C2CD5: variants seen among roughly 807,000 people sequenced by gnomAD.
C2CD5 encodes C2 calcium dependent domain containing 5, also known as C2 domain-containing protein 5.
In C2CD5, 109 loss-of-function variants were observed where a neutral mutation model predicts 130.3. The ratio of observed to expected loss-of-function variants is 0.84; its 90% CI spans 0.72 to 0.98. C2CD5 has a LOEUF of 0.98. Among genes scored for constraint, C2CD5 ranks in the 50% least tolerant of loss-of-function variants. The pLI, the probability that C2CD5 is intolerant of heterozygous loss-of-function variation, is 0.00. For missense variants in C2CD5, 996 were observed against 1,261.8 expected, an observed-to-expected ratio of 0.79 and a Z score of 3.19; for synonymous variants, 454 against 429.2, an observed-to-expected ratio of 1.06 and a Z score of -0.71.
chr12:22,481,335 T>G (rs1308943926), intron 14 of C2CD5, among the ~76,000 whole-genome samples: 1 of 152,162 alleles, frequency 6.6e-6, no homozygotes, highest in Admixed American at 6.5e-5. Context: ...AAATTAAATG[T>G]CTATGCACTC....
chr12:22,475,518 A>C (rs554742747), intron 15 of C2CD5, among the ~76,000 whole-genome samples: 2 of 152,298 alleles, frequency 1.3e-5, no homozygotes, highest in African/African-American at 4.8e-5. Context: ...GCCAAAGATC[A>C]CTAGGGGTTC....
intron 15 of C2CD5, chr12:22,478,027 A>T: frequency 6.7e-5 from 23 of 341,764 alleles, no homozygotes; most frequent in East Asian, 2.7e-4. Flanking sequence ...ACACACACAC[A>T]CTCACACACA....
intron 12 of C2CD5, among the ~76,000 whole-genome samples, chr12:22,487,524 A>G (rs928435329): frequency 3.9e-5 from 6 of 152,216 alleles, no homozygotes; most frequent in Admixed American, 2.0e-4. Flanking sequence ...ACCAGTTAGA[A>G]TGGTGATCAT....
chr12:22,450,041 G>A (rs1022707831), intron 26 of C2CD5, 150 bp from the exon 27 acceptor site: 1 of 553,528 alleles, frequency 1.8e-6, no homozygotes, highest in African/African-American at 1.9e-5. Flanking sequence ...ATGAGAAAAG[G>A]GTAAGAGGGC....
chr12:22,490,069 T>C (rs1946144267), intron 12 of C2CD5, 54 bp downstream of exon 12: 4 of 1,323,742 alleles, frequency 3.0e-6, no homozygotes, highest in Non-Finnish European at 4.3e-6. Flanking sequence ...AGAAAAAAAG[T>C]CGACCTCTCC....
At chr12:22,506,644 T>C in intron 10 of C2CD5, 67 bp downstream of exon 10, 1 of 937,874 alleles carries the variant, frequency 1.1e-6, no homozygotes, top group South Asian at 1.5e-5. Context: ...TTTAAAAAAA[T>C]CATAAAAATC....
intron 10 of C2CD5, among the ~76,000 whole-genome samples, chr12:22,505,473 C>G (rs924293386): frequency 2.6e-5 from 4 of 151,892 alleles, no homozygotes; most frequent in Admixed American, 2.6e-4. Context: ...GTCCGGCCAC[C>G]CTTCTTTTTA....
chr12:22,477,497 T>C (rs1377892101), intron 15 of C2CD5, among the ~76,000 whole-genome samples: 2 of 152,160 alleles, frequency 1.3e-5, no homozygotes, highest in Non-Finnish European at 2.9e-5. Flanking sequence ...AAAGCAATAA[T>C]GTTATACTTT....
intron 2 of C2CD5, among the ~76,000 whole-genome samples, chr12:22,538,885 C>G (rs538994234): frequency 6.6e-6 from 1 of 152,270 alleles, no homozygotes; most frequent in South Asian, 2.1e-4. Context: ...CATTATCTCC[C>G]TCTTCTATGA....
intron 3 of C2CD5, among the ~76,000 whole-genome samples, chr12:22,534,100 A>T (rs953038106): frequency 6.6e-6 from 1 of 152,232 alleles, no homozygotes; most frequent in Admixed American, 6.5e-5. Flanking sequence ...AGGCAGGAGA[A>T]TCGCTTGAAC....
chr12:22,524,606 T>C lies in C2CD5; in HGVS notation c.467A>G (p.Tyr156Cys), dbSNP rs142469361. The part of the protein sequence containing the change: ...FFCTTSIPKC[Y>C]RAVIIHGFVE... ...AAATCCATGAATTATCACAGCTCTA[T>C]AGCATTTTGGAATAGACGTTGCTGT... The change falls in exon 6 of 27, where the codon TAT (tyrosine) becomes TGT (cysteine). Residue 156 changes from tyrosine to cysteine, a missense_variant. Tyr to Cys is a radical substitution (Grantham distance 194). Transcript: ENST00000446597. The C allele has an allele frequency of 3.7e-6, 6 of 1,612,978 alleles. No homozygotes were observed. The highest frequency in any genetic ancestry group is 2.2e-5 in the East Asian group (1 of 44,856).
chr12:22,527,330 A>ATATATATT (rs1472237626), intron 4 of C2CD5, among the ~76,000 whole-genome samples: 1 of 138,150 alleles, frequency 7.2e-6, no homozygotes, highest in African/African-American at 2.8e-5. Flanking sequence ...ATATATATAT[A>ATATATATT]TTTTTTTTTT....
At chr12:22,521,923 C>T (rs74721656) in intron 7 of C2CD5, among the ~76,000 whole-genome samples, 3,173 of 152,234 alleles carry the variant, frequency 0.021, 119 homozygotes, top group African/African-American at 0.07. Context: ...TTCAACCCCT[C>T]CTGACTACTG....
chr12:22,502,995 A>G (rs1947996498), intron 10 of C2CD5, among the ~76,000 whole-genome samples: 1 of 152,202 alleles, frequency 6.6e-6, no homozygotes, highest in Admixed American at 6.5e-5. Context: ...TCTAACATTA[A>G]CTAATCTAAT....
Position 22,449,591 on chromosome 12 carries a change from G to A in C2CD5, c.*169C>T, listed in dbSNP as rs888963819. On this transcript the variant is annotated 3_prime_UTR_variant, in exon 27 of 27. Transcript: ENST00000446597. ...CCTGTCTAGAACAGGCAAACAAAAT[G>A]TCAAGATTAGAAAATTCTCATGCCT... 1.7e-6 allele frequency: 1 copy of A among 573,114 alleles called. No homozygotes were observed. Among genetic ancestry groups the A allele is most frequent in the Non-Finnish European group, 3.0e-6 (1 of 332,506 alleles). 35.5% of individuals were successfully genotyped at this position (573,114 alleles called of 1,614,324 possible). A position where few individuals can be genotyped will look rare whatever the true frequency, so the allele number is the denominator to read the frequency against.
At position 22,506,695 on chromosome 12, in the gene C2CD5, CT is replaced by C; in HGVS notation, c.1147+15del. 1 of 1,411,212 alleles carries C rather than the reference CT, an allele frequency of 7.1e-7. No individual in the cohort carries two copies. Among genetic ancestry groups the C allele is most frequent in the Non-Finnish European group, 1.0e-6 (1 of 1,004,644 alleles). 87.4% of individuals were successfully genotyped at this position (1,411,212 alleles called of 1,614,324 possible). A position where few individuals can be genotyped will look rare whatever the true frequency, so the allele number is the denominator to read the frequency against. Reference sequence around the variant, plus strand: ...AATTTAAATAAAGGAAACATTGAAACTTTTTAAGAACATACCAGGATTGTGG... The same window carrying C: ...AATTTAAATAAAGGAAACATTGAAACTTTTAAGAACATACCAGGATTGTGG... On this transcript the variant is annotated intron_variant, in intron 10 of 26. Transcript: ENST00000446597.
At chr12:22,484,469 T>A in intron 13 of C2CD5, 1 of 383,454 alleles carries the variant, frequency 2.6e-6, no homozygotes, top group Non-Finnish European at 4.6e-6. Context: ...ATGACAAATA[T>A]TTGTGTAGAA....
intron 8 of C2CD5, among the ~76,000 whole-genome samples, chr12:22,514,385 T>C (rs1262008990): frequency 2.6e-5 from 4 of 152,168 alleles, no homozygotes; most frequent in African/African-American, 9.6e-5. Context: ...AATCTGAACA[T>C]TATTTTTAGA....
At chr12:22,541,258 T>C (rs555657162) in intron 2 of C2CD5, among the ~76,000 whole-genome samples, 2 of 152,302 alleles carry the variant, frequency 1.3e-5, no homozygotes, top group South Asian at 2.1e-4. Context: ...CTTCAAAATA[T>C]ACCTGGAATT....
Sources: gnomAD v4.1 joint callset for allele counts (sites outside exome capture counted in the v4.1 genomes callset) on GRCh38, gnomAD v4.1.1 for gene constraint, MANE v1.5 for transcripts, NCBI Gene and HGNC (gene_info 2026-07-23, HGNC 2026-07-21) for gene names.